Variants in CCDC73 observed in about 807,000 individuals in gnomAD.
The protein encoded by CCDC73 is coiled-coil domain-containing protein 73.
In CCDC73, 95 loss-of-function variants were observed where a neutral mutation model predicts 116.5. That is an observed-to-expected ratio of 0.82 (90% CI 0.69 to 0.97). CCDC73 has a LOEUF of 0.97. Ranked by LOEUF, CCDC73 falls within the 50% of genes least tolerant of loss-of-function variation. The pLI is 0.00. For synonymous variants in CCDC73, 398 were observed against 401.3 expected (o/e 0.99, Z 0.10); for missense variants, 1,066 against 1,206.8 (o/e 0.88, Z 1.73).
At chr11:32,777,964 T>TAC (rs1485129613) in intron 1 of CCDC73, among the ~76,000 whole-genome samples, 1 of 152,222 alleles carries the variant, frequency 6.6e-6, no homozygotes, top group Non-Finnish European at 1.5e-5. Context: ...TTGCTATATA[T>TAC]ACACTATTTA....
chr11:32,669,130 T>C lies in CCDC73; in HGVS notation c.645+6435A>G, dbSNP rs189549261. 1.2e-4 allele frequency among the ~76,000 whole-genome samples: 18 copies of C among 152,262 alleles called. No homozygotes were observed. In the East Asian group the frequency reaches 3.3e-3, roughly 28 times the overall value. ...ATACTGAAGGATATAAAAATAAATC[T>C]AGTTGTTTCAGTAATTAACGTCTTA... is the stretch of plus-strand genomic sequence containing the variant. On this transcript the variant is annotated intron_variant, in intron 9 of 17. Transcript: ENST00000335185.
intron 6 of CCDC73, among the ~76,000 whole-genome samples, chr11:32,689,952 G>A (rs544087257): frequency 1.3e-4 from 20 of 152,176 alleles, no homozygotes; most frequent in Middle Eastern, 3.4e-3. Context: ...CCAAGATCGC[G>A]CCACTGCACT....
At chr11:32,678,791 G>A (rs908205843) in intron 7 of CCDC73, among the ~76,000 whole-genome samples, 3 of 151,406 alleles carry the variant, frequency 2.0e-5, no homozygotes, top group East Asian at 1.9e-4. Context: ...GCTGAGGCAG[G>A]AGAATCACTT....
intron 14 of CCDC73, among the ~76,000 whole-genome samples, chr11:32,627,278 T>G (rs1178423931): frequency 6.6e-6 from 1 of 152,212 alleles, no homozygotes; most frequent in Non-Finnish European, 1.5e-5. Flanking sequence ...AGATACCATC[T>G]CACACCAGTT....
rs559179126 is a variant in CCDC73, at chr11:32,708,781, AATTG to A, written c.208-5841_208-5838del. On this transcript the variant is annotated intron_variant, in intron 3 of 17. Transcript: ENST00000335185. The stretch of plus-strand genomic sequence containing the variant: ...AATTTTGTATCCTGAAACCTTGTTG[AATTG>A]ATTTGCCAGTTCTAGGAGCTTTTTG... Among the ~76,000 whole-genome samples, 14 of 152,304 alleles carry A rather than the reference AATTG, an allele frequency of 9.2e-5. No individual in the cohort carries two copies. In the South Asian group the frequency reaches 2.5e-3, roughly 27 times the overall value.
intron 2 of CCDC73, among the ~76,000 whole-genome samples, chr11:32,733,503 G>T (rs1850098332): frequency 6.6e-6 from 1 of 152,060 alleles, no homozygotes; most frequent in Non-Finnish European, 1.5e-5. Context: ...TTCCAAAATT[G>T]ACCACATAGT....
chr11:32,791,189 TTC>T (rs1405936597), intron 1 of CCDC73, among the ~76,000 whole-genome samples: 1 of 152,224 alleles, frequency 6.6e-6, no homozygotes, highest in Non-Finnish European at 1.5e-5. Flanking sequence ...CCTGATGTGT[TTC>T]TCTGTCATGT....
chr11:32,639,077 G>A (rs1478878178), intron 13 of CCDC73, among the ~76,000 whole-genome samples: 2 of 151,442 alleles, frequency 1.3e-5, no homozygotes, highest in South Asian at 2.1e-4. Context: ...GAACCCGGGA[G>A]GTGGAGGTTG....
At chr11:32,753,075 G>A (rs1231969513) in intron 2 of CCDC73, among the ~76,000 whole-genome samples, 10 of 151,844 alleles carry the variant, frequency 6.6e-5, no homozygotes, top group Non-Finnish European at 1.5e-4. Context: ...GCCTCCCAAA[G>A]CACTGGAATT....
intron 6 of CCDC73, among the ~76,000 whole-genome samples, chr11:32,689,685 T>C (rs1463196071): frequency 6.6e-6 from 1 of 151,852 alleles, no homozygotes; most frequent in Non-Finnish European, 1.5e-5. Flanking sequence ...AGATAAAACA[T>C]AGTTGAAGAA....
At chr11:32,609,739 G>A (rs1049465486) in intron 17 of CCDC73, among the ~76,000 whole-genome samples, 4 of 152,148 alleles carry the variant, frequency 2.6e-5, no homozygotes, top group African/African-American at 9.7e-5. Context: ...ACAGTTCCAT[G>A]TGGCTGGGGA....
Position 32,654,946 on chromosome 11 carries a change from C to CA in CCDC73, c.671dup (p.Leu224PhefsTer11), listed in dbSNP as rs769749623. 26 of 1,601,832 alleles carry CA rather than the reference C, an allele frequency of 1.6e-5. No homozygotes were observed. The highest frequency in any genetic ancestry group is 1.7e-4 in the Middle Eastern group (1 of 6,046). On this transcript the variant is annotated frameshift_variant, in exon 10 of 18. Transcript: ENST00000335185. LOFTEE classifies it high-confidence loss of function. ...ATTGACATGTGACTTTGGACTTTAT[C>CA]AAGTCTGAGGCTGCTTTTTTTAGTT...
chr11:32,746,885 G>A (rs11031963), intron 2 of CCDC73, among the ~76,000 whole-genome samples: 89,809 of 151,898 alleles, frequency 0.59, 26,840 homozygotes, highest in East Asian at 0.84. Flanking sequence ...CCTTTAGCTC[G>A]GAGAAGTTTG....
intron 14 of CCDC73, among the ~76,000 whole-genome samples, chr11:32,632,404 T>G (rs540122648): frequency 1.3e-5 from 2 of 152,280 alleles, no homozygotes; most frequent in African/African-American, 4.8e-5. Context: ...TTTTCCTATT[T>G]TAATAGAGGC....
At chr11:32,622,034 G>GA (rs1855526831) in intron 14 of CCDC73, among the ~76,000 whole-genome samples, 1 of 152,192 alleles carries the variant, frequency 6.6e-6, no homozygotes, top group East Asian at 1.9e-4. Context: ...AGGCTGTGGA[G>GA]AAATAGGAAT....
the CCDC73 span, among the ~76,000 whole-genome samples, chr11:32,808,889 A>T: frequency 2.6e-5 from 4 of 152,224 alleles, no homozygotes; most frequent in Non-Finnish European, 5.9e-5. Context: ...TATTTTCATT[A>T]TCTATTCTGC....
At chr11:32,724,554 T>C (rs1228343339) in intron 2 of CCDC73, among the ~76,000 whole-genome samples, 1 of 143,286 alleles carries the variant, frequency 7.0e-6, no homozygotes, top group Non-Finnish European at 1.5e-5. Flanking sequence ...AAATATATTT[T>C]GTTTTAAAAC....
intron 2 of CCDC73, among the ~76,000 whole-genome samples, chr11:32,728,676 T>A (rs1432417027): frequency 6.6e-6 from 1 of 151,944 alleles, no homozygotes; most frequent in African/African-American, 2.4e-5. Context: ...CATGAATTCA[T>A]ACTGATATTT....
chr11:32,829,935 G>A, the CCDC73 span: 2 of 985,442 alleles, frequency 2.0e-6, no homozygotes, highest in South Asian at 4.7e-5. Flanking sequence ...TCCTCCGTCG[G>A]CCGCCTCCCC....
Sources: allele counts gnomAD v4.1 joint callset (sites outside exome capture counted in the v4.1 genomes callset), GRCh38; gene constraint gnomAD v4.1.1; transcripts MANE v1.5; gene names NCBI Gene and HGNC (gene_info 2026-07-23, HGNC 2026-07-21).